Variants in SCARB2 observed in about 807,000 individuals in gnomAD.
SCARB2 encodes the protein scavenger receptor class B member 2, also known as lysosome membrane protein 2.
A neutral mutation model predicts 58.6 loss-of-function variants in SCARB2; 29 were observed. The ratio of observed to expected loss-of-function variants is 0.49; its 90% confidence interval spans 0.37 to 0.67. The LOEUF is 0.67. SCARB2 is among the 30% of genes least tolerant of loss of function. The pLI, the probability that SCARB2 is intolerant of heterozygous loss-of-function variation, is 0.00. For missense variants in SCARB2, 488 were observed against 578.5 expected (o/e 0.84, Z 1.60); for synonymous variants, 195 against 210.1 (o/e 0.93, Z 0.62).
intron 3 of SCARB2, 39 bp downstream of exon 3, chr4:76,180,915 T>C (rs1340345065): frequency 6.3e-7 from 1 of 1,578,046 alleles, no homozygotes; most frequent in Admixed American, 1.8e-5. Flanking sequence ...TTTCCTTTCT[T>C]CCAAAATCCA....
At chr4:76,181,289 T>C (rs533012390) in intron 2 of SCARB2, among the ~76,000 whole-genome samples, 188 bp from the exon 3 acceptor site, 9 of 152,346 alleles carry the variant, frequency 5.9e-5, no homozygotes, top group African/African-American at 2.2e-4. Flanking sequence ...AAACGAGGCC[T>C]AGGATAGAGT....
chr4:76,221,442 C>A (rs889006082), intron 1 of SCARB2, among the ~76,000 whole-genome samples: 1 of 152,114 alleles, frequency 6.6e-6, no homozygotes, highest in Non-Finnish European at 1.5e-5. Flanking sequence ...CCTCAGCCTC[C>A]CGAGTAGCTG....
upstream of SCARB2, chr4:76,213,973 C>G: frequency 5.5e-6 from 1 of 182,462 alleles, no homozygotes. Context: ...CCCGCGCCCT[C>G]CCCGGCCGGT....
intron 6 of SCARB2, chr4:76,175,388 T>C (rs181564379): frequency 1.6e-4 from 41 of 260,352 alleles, no homozygotes; most frequent in Non-Finnish European, 2.5e-4. Flanking sequence ...ACAGAGCATA[T>C]CATAGTAACT....
At chr4:76,203,191 T>G (rs1040953264) in intron 1 of SCARB2, among the ~76,000 whole-genome samples, 1 of 152,040 alleles carries the variant, frequency 6.6e-6, no homozygotes, top group Admixed American at 6.6e-5. Context: ...GCCAGGCTGG[T>G]CTCTAACTCC....
At chr4:76,228,667 A>C (rs1455577841) in intron 1 of SCARB2, among the ~76,000 whole-genome samples, 1 of 152,180 alleles carries the variant, frequency 6.6e-6, no homozygotes, top group Non-Finnish European at 1.5e-5. Flanking sequence ...AAGGAGGCTA[A>C]AGATAGTACC....
At chr4:76,197,294 G>A (rs959049490) in intron 1 of SCARB2, among the ~76,000 whole-genome samples, 5 of 152,214 alleles carry the variant, frequency 3.3e-5, no homozygotes, top group African/African-American at 1.2e-4. Context: ...TGACCAACAG[G>A]ATGTGGGTGG....
chr4:76,171,394 A>C (rs1732126503), intron 7 of SCARB2, among the ~76,000 whole-genome samples: 1 of 152,086 alleles, frequency 6.6e-6, no homozygotes, highest in Non-Finnish European at 1.5e-5. Flanking sequence ...TCCTTAATAA[A>C]CTTTGGCCAA....
chr4:76,233,606 ATG>A (rs61293228), intron 1 of SCARB2, among the ~76,000 whole-genome samples: 3 of 147,454 alleles, frequency 2.0e-5, no homozygotes, highest in Non-Finnish European at 4.5e-5. Flanking sequence ...ACACACACAT[ATG>A]TAACTGACAA....
intron 1 of SCARB2, among the ~76,000 whole-genome samples, chr4:76,201,560 G>T (rs760878705): frequency 6.6e-6 from 1 of 152,160 alleles, no homozygotes; most frequent in Non-Finnish European, 1.5e-5. Flanking sequence ...GCAAAATGCC[G>T]CATATTCTAA....
upstream of SCARB2, among the ~76,000 whole-genome samples, chr4:76,215,348 T>C (rs373566218): frequency 2.6e-5 from 4 of 152,324 alleles, no homozygotes; most frequent in East Asian, 5.8e-4. Context: ...TGAACCAGGA[T>C]GTAGGGCTGG....
At chr4:76,162,150 C>T (rs1731912975) in intron 11 of SCARB2, 1 of 225,670 alleles carries the variant, frequency 4.4e-6, no homozygotes, top group Non-Finnish European at 8.9e-6. Context: ...ATTAACATTT[C>T]CATGAGGTTT....
At chr4:76,228,414 G>A (rs919755003) in intron 1 of SCARB2, among the ~76,000 whole-genome samples, 1 of 151,694 alleles carries the variant, frequency 6.6e-6, no homozygotes, top group African/African-American at 2.4e-5. Flanking sequence ...GGAAGGTGAA[G>A]GTTACAGCAA....
Position 76,163,290 on chromosome 4 carries a change from G to C in SCARB2, c.1333C>G (p.Leu445Val). The C allele has an allele frequency of 6.2e-7, 1 of 1,614,174 alleles. No individual in the cohort carries two copies. Among genetic ancestry groups the C allele is most frequent in the Non-Finnish European group, 8.5e-7 (1 of 1,180,036 alleles). Residue 445 changes from leucine to valine, a missense_variant, in exon 11 of 12, where the codon CTG becomes GTG. Coordinates refer to ENST00000264896, the MANE Select transcript of SCARB2 (RefSeq NM_005506.4). ...ITNIPYIIMA[L>V]GVFFGLVFTW... is the part of the protein sequence containing the mutation. ...AAAACCAAACCAAAGAACACACCCAGCGCCATGATGATGTAGGGTATGTTG... is the reference window on the plus strand; with the variant it reads ...AAAACCAAACCAAAGAACACACCCACCGCCATGATGATGTAGGGTATGTTG...
intron 1 of SCARB2, among the ~76,000 whole-genome samples, chr4:76,219,394 T>C (rs1199302928): frequency 6.6e-6 from 1 of 152,226 alleles, no homozygotes; most frequent in African/African-American, 2.4e-5. Flanking sequence ...TGAGGTACTT[T>C]GATGGTACTT....
rs749082562 is a variant in SCARB2 at position 76,195,656 on chromosome 4, T to C, written c.275+51A>G. On this transcript the variant is annotated intron_variant, in intron 2 of 11. Coordinates refer to ENST00000264896, the MANE Select transcript of SCARB2 (RefSeq NM_005506.4). ...TGGGAAGAGGCAAGGACTCAGGCCA[T>C]ATTGGGGTCACTCTGTATTTCTTTC... The C allele has an allele frequency of 3.3e-6, 5 of 1,523,392 alleles. No homozygotes were observed. In the African/African-American group the frequency reaches 6.8e-5, roughly 21 times the overall value. 94.4% of individuals were successfully genotyped at this position (1,523,392 alleles called of 1,614,324 possible).
At chr4:76,214,265 T>C, upstream of SCARB2, 1 of 455,838 alleles carries the variant, frequency 2.2e-6, no homozygotes, top group South Asian at 1.5e-5. Flanking sequence ...ACCAGGTGCC[T>C]GCTGAGATCA....
At chr4:76,205,197 A>G (rs1732904762) in intron 1 of SCARB2, among the ~76,000 whole-genome samples, 1 of 152,148 alleles carries the variant, frequency 6.6e-6, no homozygotes, top group Non-Finnish European at 1.5e-5. Context: ...GGCATGGTGC[A>G]CACCTGTAGT....
Position 76,168,391 on chromosome 4 carries a change from A to G in SCARB2, c.1187+12T>C, listed in dbSNP as rs532651260. The stretch of plus-strand genomic sequence containing the variant: ...AACTGCTGTCCCCTCCATAGAAAGA[A>G]GCAAAACTTACACAAAGTCATCTAA... On this transcript the variant is annotated intron_variant, in intron 9 of 11. Coordinates refer to ENST00000264896, the MANE Select transcript of SCARB2 (RefSeq NM_005506.4). 12 of 1,611,752 alleles carry G rather than the reference A, an allele frequency of 7.4e-6. No individual in the cohort carries two copies. The African/African-American group carries it at 1.3e-4, about 18-fold the overall frequency.
Sources: gnomAD v4.1 joint callset for allele counts (sites outside exome capture counted in the v4.1 genomes callset) on GRCh38, gnomAD v4.1.1 for gene constraint, MANE v1.5 for transcripts, NCBI Gene and HGNC (gene_info 2026-07-23, HGNC 2026-07-21) for gene names.